SEMA3E: variants seen among roughly 807,000 people sequenced by gnomAD.
The protein encoded by SEMA3E is semaphorin 3E.
SEMA3E carries 49 observed loss-of-function variants against 93.6 expected under a neutral mutation model. The observed-to-expected ratio is 0.52, with a 90% CI of 0.42 to 0.66. SEMA3E has a LOEUF of 0.66. Among genes scored for constraint, SEMA3E ranks in the 30% least tolerant of loss-of-function variants. SEMA3E has a pLI of 0.00. For synonymous variants in SEMA3E, 363 were observed against 330.7 expected (o/e 1.10, Z -1.06); for missense variants, 906 against 964.8 (o/e 0.94, Z 0.81).
rs147666765 is a variant in SEMA3E at position 83,605,872 on chromosome 7, A to G, written c.115+42556T>C. Among the ~76,000 whole-genome samples, 5 of 152,266 alleles carry G rather than the reference A, an allele frequency of 3.3e-5. No homozygotes were observed. In the East Asian group the frequency reaches 9.7e-4, roughly 29 times the overall value. On this transcript the variant is annotated intron_variant, in intron 1 of 16. Transcript: ENST00000643230. The stretch of plus-strand genomic sequence containing the variant: ...ACCTTTCTCAGGTGGCTAGATTGCA[A>G]ACATTTTTCTCCCGTTCTGTAGGTT...
chr7:83,510,181 A>C (rs955230325), intron 1 of SEMA3E, among the ~76,000 whole-genome samples: 1 of 152,198 alleles, frequency 6.6e-6, no homozygotes, highest in Non-Finnish European at 1.5e-5. Flanking sequence ...GATGAGATTT[A>C]ATCCTGTCAA....
intron 2 of SEMA3E, among the ~76,000 whole-genome samples, chr7:83,474,222 T>C (rs757581709): frequency 2.6e-5 from 4 of 152,174 alleles, no homozygotes; most frequent in Middle Eastern, 3.4e-3. Flanking sequence ...ACTTAACTTA[T>C]ACATTATGTA....
chr7:83,637,906 AG>A (rs1562865409), intron 1 of SEMA3E, among the ~76,000 whole-genome samples: 2 of 151,560 alleles, frequency 1.3e-5, no homozygotes, highest in Non-Finnish European at 2.9e-5. Flanking sequence ...AAGATCAAGG[AG>A]GAAATTGTTG....
intron 15 of SEMA3E, among the ~76,000 whole-genome samples, chr7:83,386,470 C>A (rs1787885309): frequency 6.6e-6 from 1 of 152,086 alleles, no homozygotes; most frequent in Admixed American, 6.6e-5. Context: ...CATTCCTAAC[C>A]CATCAGTTAC....
Position 83,387,003 on chromosome 7 carries a change from C to T in SEMA3E, c.1715G>A (p.Cys572Tyr). Residue 572 changes from cysteine (C) to tyrosine (Y), a missense_variant, in exon 15 of 17, where the codon TGC (cysteine) becomes TAC (tyrosine). Physicochemically the swap from Cys to Tyr is radical, Grantham distance 194. Coordinates refer to ENST00000643230, the MANE Select transcript of SEMA3E (RefSeq NM_012431.3). ...ATTACCAACAAACTGTTGTCCAAAGCACTGCTGAGCTGCATTTCCATGTCG... is the reference window on the plus strand; with the variant it reads ...ATTACCAACAAACTGTTGTCCAAAGTACTGCTGAGCTGCATTTCCATGTCG... Reference protein sequence around the residue: ...DVRHGNAAQQCFGQQFVGDAL... With the variant: ...DVRHGNAAQQYFGQQFVGDAL... 2 of 1,613,280 alleles carry T rather than the reference C, an allele frequency of 1.2e-6. No individual in the cohort carries two copies. Among genetic ancestry groups the T allele is most frequent in the Non-Finnish European group, 1.7e-6 (2 of 1,179,594 alleles).
At chr7:83,429,035 T>C (rs1391288565) in intron 4 of SEMA3E, among the ~76,000 whole-genome samples, 1 of 152,166 alleles carries the variant, frequency 6.6e-6, no homozygotes, top group East Asian at 1.9e-4. Context: ...TTAGGTGTGG[T>C]TGAATGTCAT....
chr7:83,628,831 C>T (rs1022606381), intron 1 of SEMA3E, among the ~76,000 whole-genome samples: 1 of 151,976 alleles, frequency 6.6e-6, no homozygotes, highest in Non-Finnish European at 1.5e-5. Context: ...CCCTTGCTGG[C>T]GAGGAGTTGT....
intron 5 of SEMA3E, among the ~76,000 whole-genome samples, chr7:83,412,899 AC>A (rs1237652838): frequency 1.3e-5 from 2 of 152,142 alleles, no homozygotes; most frequent in African/African-American, 4.8e-5. Flanking sequence ...TGAGGGCCTT[AC>A]GTTATTAATT....
intron 1 of SEMA3E, among the ~76,000 whole-genome samples, chr7:83,611,982 T>A (rs969426836): frequency 6.6e-6 from 1 of 152,130 alleles, no homozygotes; most frequent in African/African-American, 2.4e-5. Flanking sequence ...CTGTCCTCCC[T>A]GCTCCCTCCA....
chr7:83,494,226 G>A (rs1207316609), intron 1 of SEMA3E, among the ~76,000 whole-genome samples: 2 of 151,216 alleles, frequency 1.3e-5, no homozygotes, highest in East Asian at 1.9e-4. Flanking sequence ...TTATTAAAAT[G>A]AATCCCAAAT....
intron 1 of SEMA3E, among the ~76,000 whole-genome samples, chr7:83,578,908 C>T (rs1792462708): frequency 6.6e-6 from 1 of 151,904 alleles, no homozygotes; most frequent in Non-Finnish European, 1.5e-5. Flanking sequence ...CTTTGCAAGT[C>T]TTTGAATAAT....
intron 1 of SEMA3E, among the ~76,000 whole-genome samples, chr7:83,638,577 C>T (rs576750991): frequency 7.2e-5 from 11 of 151,988 alleles, no homozygotes; most frequent in Admixed American, 2.6e-4. Flanking sequence ...ATATTTAATA[C>T]AAAAATATGC....
At chr7:83,455,839 A>G (rs1474817910) in intron 4 of SEMA3E, among the ~76,000 whole-genome samples, 1 of 152,208 alleles carries the variant, frequency 6.6e-6, no homozygotes, top group Admixed American at 6.5e-5. Flanking sequence ...CCATCTAGAA[A>G]ATGAGGACCT....
At chr7:83,641,177 A>C (rs143756405) in intron 1 of SEMA3E, among the ~76,000 whole-genome samples, 1 of 152,318 alleles carries the variant, frequency 6.6e-6, no homozygotes, top group Non-Finnish European at 1.5e-5. Flanking sequence ...AGGATTCCTC[A>C]GTTTCATGGG....
chr7:83,513,032 G>A (rs1175145712), intron 1 of SEMA3E, among the ~76,000 whole-genome samples: 2 of 152,138 alleles, frequency 1.3e-5, no homozygotes, highest in Non-Finnish European at 2.9e-5. Flanking sequence ...AAAAGAGCGA[G>A]TATCACATCA....
intron 1 of SEMA3E, among the ~76,000 whole-genome samples, chr7:83,596,896 A>G: frequency 6.6e-6 from 1 of 152,106 alleles, no homozygotes; most frequent in East Asian, 1.9e-4. Flanking sequence ...ATAACTTCCT[A>G]AGGGCAAGGT....
chr7:83,436,158 ATAG>A (rs1378612194), intron 4 of SEMA3E, among the ~76,000 whole-genome samples: 1 of 151,980 alleles, frequency 6.6e-6, no homozygotes, highest in Non-Finnish European at 1.5e-5. Context: ...ATTATGTTTT[ATAG>A]TAGTTCTCTA....
intron 1 of SEMA3E, among the ~76,000 whole-genome samples, chr7:83,645,526 C>T (rs1794067838): frequency 6.6e-6 from 1 of 151,996 alleles, no homozygotes. Context: ...TGTATTGCTT[C>T]AACAAGAGTA....
chr7:83,618,594 T>TA (rs1469809058), intron 1 of SEMA3E, among the ~76,000 whole-genome samples: 4 of 151,980 alleles, frequency 2.6e-5, no homozygotes, highest in Non-Finnish European at 4.4e-5. Context: ...CAAGTATTGG[T>TA]AAAATTTACC....
Sources: allele counts gnomAD v4.1 joint callset (sites outside exome capture counted in the v4.1 genomes callset), GRCh38; gene constraint gnomAD v4.1.1; transcripts MANE v1.5; gene names NCBI Gene and HGNC (gene_info 2026-07-23, HGNC 2026-07-21).